The following IQANK1 variants were observed in gnomAD, a reference collection of about 807,000 sequenced individuals.
The protein encoded by IQANK1 is IQ motif and ankyrin repeat containing 1.
IQANK1 carries 30 observed loss-of-function variants against 22.6 expected under a neutral mutation model. That is an observed-to-expected ratio of 1.33 (90% CI 0.99 to 1.80). The LOEUF is 1.80. IQANK1 is among the 40% of genes most tolerant of loss of function. The pLI is 0.00. For missense variants in IQANK1, 275 were observed against 235.2 expected (o/e 1.17, Z -1.11); for synonymous variants, 122 against 99.6 (o/e 1.23, Z -1.34).
At chr8:143,789,297 G>T in intron 9 of IQANK1, 54 bp downstream of exon 9, 1 of 413,188 alleles carries the variant, frequency 2.4e-6, no homozygotes, top group Non-Finnish European at 4.2e-6. Context: ...GCCGGGTGGG[G>T]AGGAGGGGGA....
At chr8:143,785,440 G>C (rs918384432) in intron 7 of IQANK1, among the ~76,000 whole-genome samples, 24 of 151,940 alleles carry the variant, frequency 1.6e-4, no homozygotes, top group Admixed American at 1.3e-3. Flanking sequence ...ATTTTCAGTA[G>C]AGATGGGGTT....
chr8:143,736,626 A>G (rs914298767), intron 2 of IQANK1, among the ~76,000 whole-genome samples: 1 of 152,044 alleles, frequency 6.6e-6, no homozygotes, highest in African/African-American at 2.4e-5. Context: ...CAGTCTAAGC[A>G]TGTGTTCTCT....
intron 2 of IQANK1, among the ~76,000 whole-genome samples, chr8:143,736,344 C>T (rs1818738708): frequency 6.6e-6 from 1 of 152,044 alleles, no homozygotes; most frequent in Admixed American, 6.6e-5. Flanking sequence ...GGGGTTTCGC[C>T]ACATTGACCA....
intron 2 of IQANK1, among the ~76,000 whole-genome samples, chr8:143,738,985 G>A (rs1389043745): frequency 6.6e-6 from 1 of 152,214 alleles, no homozygotes. Context: ...ACTGCACTGC[G>A]GCTGGCTGGA....
At position 143,790,134 on chromosome 8, in the gene IQANK1, C is replaced by T; in HGVS notation, c.1290-3C>T. The T allele has an allele frequency of 8.1e-7, 1 of 1,232,048 alleles. No homozygotes were observed. 76.3% of individuals were successfully genotyped at this position (1,232,048 alleles called of 1,614,324 possible). ...ACAGCAGTGACCTGATGGGTGTCCC[C>T]AGGTGGCCTCTTGTTATTGACCCTT... is the stretch of plus-strand genomic sequence containing the variant. On this transcript the variant is annotated splice_region_variant and splice_polypyrimidine_tract_variant and intron_variant, in intron 12 of 13. Transcript: ENST00000527139.
intron 7 of IQANK1, among the ~76,000 whole-genome samples, chr8:143,779,309 AAAG>A (rs1205131075): frequency 1.3e-5 from 2 of 152,230 alleles, no homozygotes; most frequent in Admixed American, 1.3e-4. Flanking sequence ...ATGAGAAAGC[AAAG>A]AAGGACTGTG....
chr8:143,782,154 C>T (rs782208483), intron 7 of IQANK1, among the ~76,000 whole-genome samples: 12 of 152,138 alleles, frequency 7.9e-5, no homozygotes, highest in Middle Eastern at 3.2e-3. Flanking sequence ...GATTTTTGTA[C>T]ATTTATTTTG....
intron 7 of IQANK1, among the ~76,000 whole-genome samples, chr8:143,785,129 G>C (rs1819862714): frequency 6.6e-6 from 1 of 151,924 alleles, no homozygotes; most frequent in Non-Finnish European, 1.5e-5. Context: ...AGTAAATATA[G>C]TTATTTGAAA....
At chr8:143,783,289 A>C (rs1036475979) in intron 7 of IQANK1, among the ~76,000 whole-genome samples, 12 of 152,154 alleles carry the variant, frequency 7.9e-5, no homozygotes, top group Admixed American at 2.6e-4. Flanking sequence ...CTCATGGTGG[A>C]TGTGCCGTGG....
chr8:143,776,746 GTAGT>G (rs1437058119), intron 7 of IQANK1, among the ~76,000 whole-genome samples: 1 of 152,172 alleles, frequency 6.6e-6, no homozygotes, highest in Non-Finnish European at 1.5e-5. Flanking sequence ...ATCCCTCGTG[GTAGT>G]TAGTTGTAGC....
rs868992473 is a variant in IQANK1, at chr8:143,772,198, G to A, written c.618G>A (p.Leu206=). ...AGGCGGCCGCAGGCGGGCAGCCCCT[G>A]GCCATCCAGCTGCGGGCCGAGCTCG... ...LSEAAAGGQP[L]AIQLRAELGA... The change falls in exon 6 of 14, where the codon CTG becomes CTA. Residue 206 remains leucine, a synonymous_variant. Transcript: ENST00000527139. The A allele has an allele frequency of 2.5e-6, 1 of 394,082 alleles. No individual in the cohort carries two copies. The highest frequency in any genetic ancestry group is 2.1e-5 in the African/African-American group (1 of 48,352). 24.4% of individuals were successfully genotyped at this position (394,082 alleles called of 1,614,324 possible). A position where few individuals can be genotyped will look rare whatever the true frequency, so the allele number is the denominator to read the frequency against.
Position 143,789,873 on chromosome 8 carries a change from G to C in IQANK1, c.1195+4G>C, listed in dbSNP as rs1819988467. The C allele has an allele frequency of 8.1e-7, 1 of 1,231,912 alleles. No homozygotes were observed. The allele number at this position is 1,231,912 out of a possible 1,614,324, so 76.3% of individuals were successfully genotyped here. A position where few individuals can be genotyped will look rare whatever the true frequency, so the allele number is the denominator to read the frequency against. ...CTTCGGGAGCAGACGCAGGAGGGTG[G>C]GCCTGGCATGGGGCGCCGGCTGGGG... On this transcript the variant is annotated splice_donor_region_variant and intron_variant, in intron 11 of 13. Coordinates refer to ENST00000527139, the MANE Select transcript of IQANK1 (RefSeq NM_001381874.1).
At chr8:143,773,926 C>A (rs1256548356) in intron 7 of IQANK1, among the ~76,000 whole-genome samples, 2 of 152,090 alleles carry the variant, frequency 1.3e-5, no homozygotes, top group Non-Finnish European at 2.9e-5. Flanking sequence ...AGGGCAGCAG[C>A]TGGGGGTGCT....
chr8:143,789,485 A>C lies in IQANK1; in HGVS notation c.1043A>C (p.Gln348Pro). The C allele has an allele frequency of 8.1e-7, 1 of 1,232,234 alleles. No individual in the cohort carries two copies. Among genetic ancestry groups the C allele is most frequent in the Non-Finnish European group, 1.0e-6 (1 of 988,170 alleles). The allele number at this position is 1,232,234 out of a possible 1,614,324, so 76.3% of individuals were successfully genotyped here. Residue 348 changes from glutamine to proline, a missense_variant, in exon 10 of 14, where the codon CAG becomes CCG. Physicochemically the swap from Gln to Pro is moderately conservative, Grantham distance 76. Transcript: ENST00000527139. ...AGCCGGAGGATCTCAGAGCACGACC[A>C]GTGTGAGTGGAGGTGCATGGACAAG... ...ELSRRISEHD[Q>P]CEWRCMDKTK...
chr8:143,742,846 T>C (rs1554626775), intron 3 of IQANK1: 6 of 456,142 alleles, frequency 1.3e-5, no homozygotes, highest in South Asian at 9.3e-5. Context: ...AAACATGGCC[T>C]GTGCTGCTGT....
rs145617141 is a variant in IQANK1 at position 143,757,647 on chromosome 8, T to C, written c.176-13841T>C. On this transcript the variant is annotated intron_variant, in intron 3 of 13. Coordinates refer to ENST00000527139, the MANE Select transcript of IQANK1 (RefSeq NM_001381874.1). ...CCACCACGCTTGGCCACAATGTGTC[T>C]TTCATCTTAAAATTTTTTTTTTTAG... is the stretch of plus-strand genomic sequence containing the variant. 2.5e-3 allele frequency among the ~76,000 whole-genome samples: 381 copies of C among 152,198 alleles called. 3 individuals are homozygous for C. Among genetic ancestry groups the C allele is most frequent in the African/African-American group, 8.9e-3 (368 of 41,522 alleles).
chr8:143,749,338 T>C (rs1433061147), intron 3 of IQANK1, among the ~76,000 whole-genome samples: 5 of 3,302 alleles, frequency 1.5e-3, no homozygotes, highest in Admixed American at 5.7e-3. Flanking sequence ...ATATAAAATA[T>C]ATAAAAACAT....
At chr8:143,738,051 G>T (rs886200102) in intron 2 of IQANK1, among the ~76,000 whole-genome samples, 1 of 152,166 alleles carries the variant, frequency 6.6e-6, no homozygotes, top group Non-Finnish European at 1.5e-5. Context: ...ACCCTGGGGT[G>T]TCCCTGAGGT....
At position 143,772,069 on chromosome 8, in the gene IQANK1, G is replaced by T; in HGVS notation, c.489G>T (p.Thr163=). Residue 163 remains threonine (T), a synonymous_variant, in exon 6 of 14, where the codon ACG becomes ACT. Coordinates refer to ENST00000527139, the MANE Select transcript of IQANK1 (RefSeq NM_001381874.1). ...AVLKEVEQLL[T]REGVGHDEAG... ...CTGCGCAGGTGGAGCAGCTGCTGAC[G>T]CGCGAGGGCGTGGGCCACGACGAGG... The T allele has an allele frequency of 2.5e-6, 1 of 396,374 alleles. No individual in the cohort carries two copies. The highest frequency in any genetic ancestry group is 1.3e-4 in the South Asian group (1 of 7,840). 24.6% of individuals were successfully genotyped at this position (396,374 alleles called of 1,614,324 possible). A position where few individuals can be genotyped will look rare whatever the true frequency, so the allele number is the denominator to read the frequency against.
Sources: gnomAD v4.1 joint callset for allele counts (sites outside exome capture counted in the v4.1 genomes callset) on GRCh38, gnomAD v4.1.1 for gene constraint, MANE v1.5 for transcripts, NCBI Gene and HGNC (gene_info 2026-07-23, HGNC 2026-07-21) for gene names.